The following SPTBN1 variants were observed in gnomAD, a reference collection of about 807,000 sequenced individuals.
SPTBN1 encodes the protein spectrin beta chain, non-erythrocytic 1.
A neutral mutation model predicts 266.4 loss-of-function variants in SPTBN1; 32 were observed. That is an observed-to-expected ratio of 0.12 (90% CI 0.09 to 0.16). The LOEUF (loss-of-function observed/expected upper bound fraction) is 0.16, where lower values mean the gene tolerates loss of function less well. SPTBN1 is among the 10% of genes least tolerant of loss of function. SPTBN1 has a pLI of 1.00. For missense variants in SPTBN1, 2,296 were observed against 3,067.1 expected, an observed-to-expected ratio of 0.75 and a Z score of 5.94; for synonymous variants, 1,336 against 1,162.2, an observed-to-expected ratio of 1.15 and a Z score of -3.04.
intron 2 of SPTBN1, chr2:54,526,856 T>C (rs972167529): frequency 2.3e-5 from 6 of 263,160 alleles, no homozygotes; most frequent in Non-Finnish European, 3.6e-5. Context: ...AAATCTTACA[T>C]TCCAAAATAT....
chr2:54,631,422 C>G lies in SPTBN1; in HGVS notation c.3375C>G (p.Gly1125=). ...ACTACCAGAAGATGAGGGACATGGG[C>G]GAGATGGTCACCCAGGGGCAGACCG... ...EEDYQKMRDM[G]EMVTQGQTDA... Residue 1125 remains glycine (G), a synonymous_variant, in exon 16 of 36, where the codon GGC becomes GGG. Transcript: ENST00000356805. 1 of 1,614,234 alleles carries G rather than the reference C, an allele frequency of 6.2e-7. No homozygotes were observed. Among genetic ancestry groups the G allele is most frequent in the Non-Finnish European group, 8.5e-7 (1 of 1,180,036 alleles).
At chr2:54,618,757 AAG>A (rs1677804803) in intron 7 of SPTBN1, among the ~76,000 whole-genome samples, 1 of 152,168 alleles carries the variant, frequency 6.6e-6, no homozygotes, top group Non-Finnish European at 1.5e-5. Flanking sequence ...ATGAGCAAGT[AAG>A]AGTTTAAATG....
At chr2:54,502,710 C>T (rs752584061) in intron 1 of SPTBN1, among the ~76,000 whole-genome samples, 5 of 152,134 alleles carry the variant, frequency 3.3e-5, no homozygotes, top group Non-Finnish European at 7.4e-5. Context: ...GTTGTTGTTT[C>T]TCCTTTTAGA....
intron 1 of SPTBN1, among the ~76,000 whole-genome samples, chr2:54,494,563 A>G (rs1227024724): frequency 6.6e-6 from 1 of 152,256 alleles, no homozygotes; most frequent in African/African-American, 2.4e-5. Context: ...AGCAGTAAAA[A>G]CAAACTATTG....
At chr2:54,514,957 A>T (rs1670042204) in intron 1 of SPTBN1, among the ~76,000 whole-genome samples, 1 of 152,222 alleles carries the variant, frequency 6.6e-6, no homozygotes, top group Admixed American at 6.5e-5. Flanking sequence ...CAAATTAACC[A>T]CAACATTAGA....
At chr2:54,642,174 G>A (rs565991834) in intron 18 of SPTBN1, among the ~76,000 whole-genome samples, 1 of 152,224 alleles carries the variant, frequency 6.6e-6, no homozygotes, top group Admixed American at 6.5e-5. Flanking sequence ...AGCCAGGGCC[G>A]ATTCGGGATG....
intron 1 of SPTBN1, among the ~76,000 whole-genome samples, chr2:54,482,155 T>C (rs1668133166): frequency 6.6e-6 from 1 of 152,098 alleles, no homozygotes; most frequent in African/African-American, 2.4e-5. Flanking sequence ...GTAGACATTT[T>C]CACATTTTGG....
chr2:54,536,740 A>G (rs1671627551), intron 2 of SPTBN1, among the ~76,000 whole-genome samples: 1 of 152,138 alleles, frequency 6.6e-6, no homozygotes, highest in African/African-American at 2.4e-5. Flanking sequence ...TATGGGGTAA[A>G]AGAAGGAGAG....
intron 2 of SPTBN1, among the ~76,000 whole-genome samples, chr2:54,548,353 G>T (rs1558827595): frequency 6.6e-6 from 1 of 152,186 alleles, no homozygotes; most frequent in Non-Finnish European, 1.5e-5. Flanking sequence ...AGATGACATG[G>T]AAGCTGTGCT....
In SPTBN1 at chr2:54,650,734, A is replaced by C. The variant is rs185469264; in HGVS notation, c.5577+745A>C. 1.1e-3 allele frequency among the ~76,000 whole-genome samples: 171 copies of C among 152,278 alleles called. 2 individuals carry two copies. The highest frequency in any genetic ancestry group is 3.9e-3 in the African/African-American group (161 of 41,532). On this transcript the variant is annotated intron_variant, in intron 26 of 35. Transcript: ENST00000356805. ...GTGTTTTTCGCTTTATGAGATACATACTCTGTTGCAGCTCTGCCCTCTGTC... is the reference window on the plus strand; with the variant it reads ...GTGTTTTTCGCTTTATGAGATACATCCTCTGTTGCAGCTCTGCCCTCTGTC...
intron 1 of SPTBN1, among the ~76,000 whole-genome samples, chr2:54,497,991 A>G (rs1269826675): frequency 6.6e-6 from 1 of 152,234 alleles, no homozygotes; most frequent in East Asian, 1.9e-4. Context: ...TCCAGTTGGC[A>G]TTCTTGTTGA....
intron 32 of SPTBN1, chr2:54,662,180 G>C (rs1681094263): frequency 3.0e-6 from 3 of 985,214 alleles, no homozygotes; most frequent in Non-Finnish European, 3.6e-6. Context: ...GGGTTGCGAG[G>C]GATGTGTTCA....
chr2:54,495,398 T>G (rs529349315), intron 1 of SPTBN1, among the ~76,000 whole-genome samples: 1 of 152,162 alleles, frequency 6.6e-6, no homozygotes, highest in Non-Finnish European at 1.5e-5. Flanking sequence ...TAGGAGAACC[T>G]TGTTGTCCAA....
At position 54,647,193 on chromosome 2, in the gene SPTBN1, C is replaced by T. The variant is rs1475339226; in HGVS notation, c.4929C>T (p.Asp1643=). 6.2e-7 allele frequency: 1 copy of T among 1,614,184 alleles called. No individual in the cohort carries two copies. The part of the protein sequence containing the change: ...KHQILEQAVE[D]YAETVHQLSK... ...AGATCTTAGAACAAGCTGTGGAGGACTATGCAGAGACCGTGCATCAGCTCT... is the reference window on the plus strand; with the variant it reads ...AGATCTTAGAACAAGCTGTGGAGGATTATGCAGAGACCGTGCATCAGCTCT... Residue 1643 remains aspartate, a synonymous_variant, in exon 24 of 36, where the codon GAC becomes GAT. Coordinates refer to ENST00000356805, the MANE Select transcript of SPTBN1 (RefSeq NM_003128.3).
At chr2:54,639,556 A>G (rs1028220347) in intron 18 of SPTBN1, among the ~76,000 whole-genome samples, 3 of 152,252 alleles carry the variant, frequency 2.0e-5, no homozygotes, top group African/African-American at 7.2e-5. Flanking sequence ...AGAGAAACCT[A>G]TTTGTATTTG....
Position 54,625,953 on chromosome 2 carries a change from C to T in SPTBN1, c.1363C>T (p.Pro455Ser), listed in dbSNP as rs1039249066. The change falls in exon 12 of 36, where the codon CCT becomes TCT. Residue 455 changes from proline to serine, a missense_variant. This residue lies in a region of SPTBN1 where 148 missense variants were observed against 203.8 expected (regional missense o/e 0.73). Coordinates refer to ENST00000356805, the MANE Select transcript of SPTBN1 (RefSeq NM_003128.3). ...VSQDNFGFDL[P>S]AVEAATKKHE... The stretch of plus-strand genomic sequence containing the variant: ...GTAGGACAACTTTGGGTTTGACCTT[C>T]CTGCAGTTGAGGCCGCCACAAAAAA... The T allele has an allele frequency of 4.3e-6, 7 of 1,613,810 alleles. No individual in the cohort carries two copies. Among genetic ancestry groups the T allele is most frequent in the Admixed American group, 1.7e-5 (1 of 60,024 alleles).
chr2:54,635,942 A>AT (rs1252779814), intron 17 of SPTBN1, among the ~76,000 whole-genome samples: 1 of 151,774 alleles, frequency 6.6e-6, no homozygotes, highest in African/African-American at 2.4e-5. Flanking sequence ...ACAATCTTTT[A>AT]TTTTTTTAAA....
rs1693217932 is a variant in SPTBN1, at chr2:54,458,981, TA to T, written c.-48+2467del. Among the ~76,000 whole-genome samples the T allele has an allele frequency of 3.3e-5, 5 of 152,354 alleles. No individual in the cohort carries two copies. In the South Asian group the frequency reaches 1.0e-3, roughly 32 times the overall value. On this transcript the variant is annotated intron_variant, in intron 1 of 35. Transcript: ENST00000356805. ...TATTTTGAGTTTCTCTAATAGCCAT[TA>T]AAATATGAGACTTTTTGTGCTGGTT...
intron 17 of SPTBN1, among the ~76,000 whole-genome samples, chr2:54,633,165 G>A (rs1678869443): frequency 6.6e-6 from 1 of 152,134 alleles, no homozygotes; most frequent in Admixed American, 6.5e-5. Flanking sequence ...TCATCCATGA[G>A]AAAGAAGCCT....
Sources: gnomAD v4.1 joint callset for allele counts (sites outside exome capture counted in the v4.1 genomes callset) on GRCh38, gnomAD v4.1.1 for gene constraint, gnomAD v4.1.1 regional missense constraint, MANE v1.5 for transcripts, NCBI Gene and HGNC (gene_info 2026-07-23, HGNC 2026-07-21) for gene names.